DOCK7: variants seen among roughly 807,000 people sequenced by gnomAD.
DOCK7 encodes the protein dedicator of cytokinesis protein 7.
In DOCK7, 138 loss-of-function variants were observed where a neutral mutation model predicts 271.0. The observed-to-expected ratio is 0.51, with a 90% CI of 0.44 to 0.59. DOCK7 has a LOEUF of 0.59. Ranked by LOEUF, DOCK7 falls within the 20% of genes least tolerant of loss-of-function variation. DOCK7 has a pLI of 0.00. For missense variants in DOCK7, 2,066 were observed against 2,592.4 expected, an observed-to-expected ratio of 0.80 and a Z score of 4.41; for synonymous variants, 823 against 876.1, an observed-to-expected ratio of 0.94 and a Z score of 1.07.
intron 1 of DOCK7, among the ~76,000 whole-genome samples, chr1:62,682,733 A>G (rs969487108): frequency 5.3e-5 from 8 of 152,200 alleles, no homozygotes; most frequent in Non-Finnish European, 7.3e-5. Flanking sequence ...GAAATGTGAC[A>G]AGGAAAGGAA....
intron 14 of DOCK7, among the ~76,000 whole-genome samples, chr1:62,609,853 A>G (rs1307873400): frequency 6.6e-6 from 1 of 151,296 alleles, no homozygotes; most frequent in Non-Finnish European, 1.5e-5. Context: ...TTTTTTTTCG[A>G]GATGGAGTCT....
intron 43 of DOCK7, 30 bp downstream of exon 43, chr1:62,487,368 G>A (rs1471406325): frequency 6.2e-7 from 1 of 1,600,836 alleles, no homozygotes; most frequent in Non-Finnish European, 8.6e-7. Context: ...CAATCTATTA[G>A]TGTCTTTAAC....
intron 1 of DOCK7, among the ~76,000 whole-genome samples, chr1:62,679,092 G>A (rs902788440): frequency 1.3e-5 from 2 of 151,910 alleles, no homozygotes; most frequent in African/African-American, 4.8e-5. Flanking sequence ...AATGGGGAAA[G>A]GACAATCCAT....
intron 40 of DOCK7, among the ~76,000 whole-genome samples, chr1:62,493,260 AT>A (rs1195499736): frequency 3.3e-5 from 5 of 152,360 alleles, no homozygotes; most frequent in Middle Eastern, 3.4e-3. Context: ...AAAGTCAGGT[AT>A]AATAAAAGCC....
At chr1:62,500,269 C>G (rs1219848950) in intron 37 of DOCK7, among the ~76,000 whole-genome samples, 1 of 151,636 alleles carries the variant, frequency 6.6e-6, no homozygotes, top group Non-Finnish European at 1.5e-5. Context: ...GGCAGAAATA[C>G]AAGAAGTCAA....
In DOCK7 at chr1:62,454,783, T is replaced by C. The variant is rs1455870084; in HGVS notation, c.*631A>G. 2 of 160,988 alleles carry C rather than the reference T, an allele frequency of 1.2e-5. No individual in the cohort carries two copies. The highest frequency in any genetic ancestry group is 2.4e-5 in the African/African-American group (1 of 41,898). 10.0% of individuals were successfully genotyped at this position (160,988 alleles called of 1,614,324 possible). ...TTGTCACTGGTATTAGTTATCCCCG[T>C]ATTTAAATTATTTTACACAAAGGTT... On this transcript the variant is annotated 3_prime_UTR_variant, in exon 50 of 50. Transcript: ENST00000635253.
chr1:62,677,060 T>A (rs762341966), intron 1 of DOCK7, among the ~76,000 whole-genome samples: 2 of 152,226 alleles, frequency 1.3e-5, no homozygotes, highest in Non-Finnish European at 2.9e-5. Flanking sequence ...GTAATTATAG[T>A]CATGTGGAAC....
At chr1:62,470,470 T>C (rs147166557) in intron 48 of DOCK7, among the ~76,000 whole-genome samples, 112 of 152,226 alleles carry the variant, frequency 7.4e-4, no homozygotes, top group African/African-American at 2.6e-3. Flanking sequence ...GATAAAAGAC[T>C]ATCAACTGGG....
At chr1:62,517,403 C>T (rs779038123) in intron 31 of DOCK7, among the ~76,000 whole-genome samples, 31 of 152,070 alleles carry the variant, frequency 2.0e-4, no homozygotes, top group Admixed American at 1.8e-3. Context: ...CGAGATCAGC[C>T]GGACCAAAAT....
At chr1:62,677,425 C>A (rs1323916251) in intron 1 of DOCK7, among the ~76,000 whole-genome samples, 1 of 152,006 alleles carries the variant, frequency 6.6e-6, no homozygotes, top group Non-Finnish European at 1.5e-5. Context: ...TTGTGGAAAA[C>A]CTATCCAAGA....
intron 13 of DOCK7, among the ~76,000 whole-genome samples, 174 bp from the exon 14 acceptor site, chr1:62,619,042 C>CA (rs1387629206): frequency 1.3e-5 from 2 of 151,542 alleles, no homozygotes; most frequent in African/African-American, 4.9e-5. Context: ...TGCAAAGTCT[C>CA]AAACTTAAAA....
intron 25 of DOCK7, among the ~76,000 whole-genome samples, chr1:62,541,439 G>A (rs1645527302): frequency 6.6e-6 from 1 of 152,038 alleles, no homozygotes; most frequent in South Asian, 2.1e-4. Flanking sequence ...TTATATGTAG[G>A]TTTTCTCCCA....
chr1:62,539,907 T>C lies in DOCK7; in HGVS notation c.3046-15A>G, dbSNP rs1645471701. 2 of 1,524,616 alleles carry C rather than the reference T, an allele frequency of 1.3e-6. No individual in the cohort carries two copies. The highest frequency in any genetic ancestry group is 2.5e-5 in the South Asian group (2 of 79,910). The allele number at this position is 1,524,616 out of a possible 1,614,324, so 94.4% of individuals were successfully genotyped here. A position where few individuals can be genotyped will look rare whatever the true frequency, so the allele number is the denominator to read the frequency against. On this transcript the variant is annotated splice_polypyrimidine_tract_variant and intron_variant, in intron 25 of 49. Transcript: ENST00000635253. ...ATGCTCTTTACCTGAAAAAAAGATA[T>C]AAATTATTAATTTCCTATGAATATA...
intron 14 of DOCK7, among the ~76,000 whole-genome samples, chr1:62,587,972 G>A (rs1647820017): frequency 6.6e-6 from 1 of 152,032 alleles, no homozygotes; most frequent in South Asian, 2.1e-4. Context: ...ATTAGAAAAA[G>A]CAATAAAGTA....
chr1:62,679,916 T>C (rs1332689846), intron 1 of DOCK7, among the ~76,000 whole-genome samples: 1 of 152,238 alleles, frequency 6.6e-6, no homozygotes, highest in Non-Finnish European at 1.5e-5. Flanking sequence ...GAATATTCCA[T>C]GCTCATGGAT....
rs1047631789 is a variant in DOCK7 at position 62,648,022 on chromosome 1, C to T, written c.732+84G>A. 56 of 1,309,220 alleles carry T rather than the reference C, an allele frequency of 4.3e-5. No homozygotes were observed. In the Admixed American group the frequency reaches 1.0e-3, roughly 24 times the overall value. The allele number at this position is 1,309,220 out of a possible 1,614,324, so 81.1% of individuals were successfully genotyped here. On this transcript the variant is annotated intron_variant, in intron 6 of 49. Transcript: ENST00000635253. ...GCTGTTTCAGTTGCTTTATCCTCTA[C>T]ATTTTGTAATACTATATATCAATCA...
chr1:62,460,604 A>AG (rs1645491968), intron 48 of DOCK7, among the ~76,000 whole-genome samples: 2 of 148,906 alleles, frequency 1.3e-5, no homozygotes, highest in Admixed American at 6.7e-5. Flanking sequence ...CAATGTATTG[A>AG]ACACACACAC....
chr1:62,688,330 T>G lies in DOCK7; in HGVS notation c.-66A>C. ...GGCCGGGTGCGGACCGGCGGGCGCG[T>G]GCCTCCTCGCTCGTGCTCCCTCCCT... is the stretch of plus-strand genomic sequence containing the variant. On this transcript the variant is annotated 5_prime_UTR_variant, in exon 1 of 50. Transcript: ENST00000635253. 1.8e-6 allele frequency: 2 copies of G among 1,082,008 alleles called. No individual in the cohort carries two copies. The highest frequency in any genetic ancestry group is 2.3e-6 in the Non-Finnish European group (2 of 866,486). The allele number at this position is 1,082,008 out of a possible 1,614,324, so 67.0% of individuals were successfully genotyped here.
chr1:62,668,924 CAAAA>C (rs11308465), intron 1 of DOCK7, among the ~76,000 whole-genome samples: 12 of 113,324 alleles, frequency 1.1e-4, no homozygotes, highest in Non-Finnish European at 1.5e-4. Flanking sequence ...GACCTTGCCT[CAAAA>C]AAAAAAAAAA....
Sources: allele counts gnomAD v4.1 joint callset (sites outside exome capture counted in the v4.1 genomes callset), GRCh38; gene constraint gnomAD v4.1.1; transcripts MANE v1.5; gene names NCBI Gene and HGNC (gene_info 2026-07-23, HGNC 2026-07-21).